DYNC2H1: variants seen among roughly 807,000 people sequenced by gnomAD.
The protein encoded by DYNC2H1 is dynein cytoplasmic 2 heavy chain 1.
In DYNC2H1, 410 loss-of-function variants were observed where a neutral mutation model predicts 570.0. The ratio of observed to expected loss-of-function variants is 0.72; its 90% confidence interval spans 0.66 to 0.78. The LOEUF is 0.78. Among genes scored for constraint, DYNC2H1 ranks in the 30% least tolerant of loss-of-function variants. The probability of loss-of-function intolerance (pLI) is 0.00; values close to 1 mark genes in which losing one functional copy is unlikely to be tolerated. For missense variants in DYNC2H1, 4,865 were observed against 5,046.4 expected, an observed-to-expected ratio of 0.96 and a Z score of 1.09; for synonymous variants, 1,688 against 1,677.6, an observed-to-expected ratio of 1.01 and a Z score of -0.15.
Position 103,253,381 on chromosome 11 carries a change from C to A in DYNC2H1, c.10139C>A (p.Pro3380Gln), listed in dbSNP as rs868586256. The change falls in exon 66 of 89, where the codon CCA becomes CAA. Residue 3380 changes from proline to glutamine, a missense_variant. Around this residue, in one of 5 missense-constraint regions of DYNC2H1, gnomAD observed 2,401 missense variants for 2,454.6 expected, o/e 0.98. Transcript: ENST00000375735. The part of the protein sequence containing the change: ...LSTRNPNPFI[P>Q]PDAASIVTEV... Reference sequence around the variant, plus strand: ...ACAAGAAACCCAAATCCTTTTATTCCACCGGATGCAGCTTCCATTGTTACT... The same window carrying A: ...ACAAGAAACCCAAATCCTTTTATTCAACCGGATGCAGCTTCCATTGTTACT... 1 of 1,613,158 alleles carries A rather than the reference C, an allele frequency of 6.2e-7. No homozygotes were observed. Among genetic ancestry groups the A allele is most frequent in the African/African-American group, 1.3e-5 (1 of 74,934 alleles).
At position 103,343,594 on chromosome 11, in the gene DYNC2H1, G is replaced by T. The variant is rs921040046; in HGVS notation, c.12040-14649G>T. On this transcript the variant is annotated intron_variant, in intron 82 of 88. Coordinates refer to ENST00000375735, the MANE Select transcript of DYNC2H1 (RefSeq NM_001377.3). ...TGAAGCTAGGATGTGGGGAGCCTCA[G>T]AAATTATATCCTTCCTATTCATATG... Among the ~76,000 whole-genome samples the T allele has an allele frequency of 2.0e-5, 3 of 152,160 alleles. No homozygotes were observed. In the South Asian group the frequency reaches 6.2e-4, roughly 32 times the overall value.
Position 103,244,854 on chromosome 11 carries a change from A to C in DYNC2H1, c.9919-397A>C, listed in dbSNP as rs1387947337. 6.6e-6 allele frequency among the ~76,000 whole-genome samples: 1 copy of C among 150,846 alleles called. No individual in the cohort carries two copies. The highest frequency in any genetic ancestry group is 1.5e-5 in the Non-Finnish European group (1 of 67,634). ...TATAGTTACTTTTATATATATGTACACACACACATATATATATACACACAC... is the reference window on the plus strand; with the variant it reads ...TATAGTTACTTTTATATATATGTACCCACACACATATATATATACACACAC... On this transcript the variant is annotated intron_variant, in intron 64 of 88. Coordinates refer to ENST00000375735, the MANE Select transcript of DYNC2H1 (RefSeq NM_001377.3). The surrounding 1 kb of genome is among the most constrained non-coding windows in gnomAD (Gnocchi z 4.3).
At chr11:103,456,144 T>C in intron 86 of DYNC2H1, 131 bp from the exon 87 acceptor site, 1 of 653,800 alleles carries the variant, frequency 1.5e-6, no homozygotes, top group Non-Finnish European at 2.4e-6. Flanking sequence ...TTATGCATAG[T>C]TTAATGGTAT....
intron 85 of DYNC2H1, among the ~76,000 whole-genome samples, chr11:103,451,514 G>A (rs1042105652): frequency 3.3e-5 from 5 of 151,940 alleles, no homozygotes; most frequent in Admixed American, 3.3e-4. Flanking sequence ...TGTATTTTTA[G>A]TAGAGACGGG....
At chr11:103,282,258 C>G in intron 72 of DYNC2H1, 29 bp downstream of exon 72, 1 of 1,598,572 alleles carries the variant, frequency 6.3e-7, no homozygotes, top group South Asian at 1.1e-5. Context: ...ATCTATTTTG[C>G]TCTTAAAGAA....
chr11:103,197,855 G>A, intron 47 of DYNC2H1, 78 bp from the exon 48 acceptor site: 6 of 1,439,042 alleles, frequency 4.2e-6, no homozygotes, highest in South Asian at 2.7e-5. Context: ...ACTTAAAAAT[G>A]TTTTAGTAGG....
At chr11:103,238,275 C>G (rs1050804909) in intron 63 of DYNC2H1, among the ~76,000 whole-genome samples, 1 of 152,098 alleles carries the variant, frequency 6.6e-6, no homozygotes, top group African/African-American at 2.4e-5. Flanking sequence ...TCCTCATTAA[C>G]TATGCTAAAG....
At chr11:103,236,357 A>C in intron 62 of DYNC2H1, 73 bp from the exon 63 acceptor site, 4 of 949,316 alleles carry the variant, frequency 4.2e-6, no homozygotes, top group Non-Finnish European at 6.8e-6. Flanking sequence ...TTTCGGAATA[A>C]ATAGCTTTAT....
intron 84 of DYNC2H1, among the ~76,000 whole-genome samples, chr11:103,410,422 T>A (rs1285697502): frequency 1.3e-5 from 2 of 152,114 alleles, no homozygotes; most frequent in Admixed American, 1.3e-4. Flanking sequence ...CTCTATAACC[T>A]TTTTAGGGTT....
chr11:103,258,122 C>T (rs895816471), intron 69 of DYNC2H1, among the ~76,000 whole-genome samples: 1 of 152,104 alleles, frequency 6.6e-6, no homozygotes, highest in African/African-American at 2.4e-5. Flanking sequence ...TTGTTTAAGG[C>T]AGTAACTTTC....
At chr11:103,291,863 T>C (rs1866614009) in intron 75 of DYNC2H1, among the ~76,000 whole-genome samples, 1 of 151,822 alleles carries the variant, frequency 6.6e-6, no homozygotes, top group Non-Finnish European at 1.5e-5. Flanking sequence ...CTGATATAAT[T>C]ATAGCTACTT....
At chr11:103,272,355 T>C (rs1432537171) in intron 70 of DYNC2H1, among the ~76,000 whole-genome samples, 1 of 151,826 alleles carries the variant, frequency 6.6e-6, no homozygotes, top group South Asian at 2.1e-4. Context: ...TTCTCACTCA[T>C]AGGTGGGAAT....
Position 103,179,154 on chromosome 11 carries a change from G to A in DYNC2H1, c.6268G>A (p.Val2090Ile). ...AGAAAGGATTCAGTTTGGCCCAAAT[G>A]TTAACTTTGTATTTGAAACTCATGA... ...SGERIQFGPN[V>I]NFVFETHDLS... Residue 2090 changes from valine (V) to isoleucine (I), a missense_variant, in exon 39 of 89, where the codon GTT becomes ATT. By Grantham distance (29) the Val-to-Ile change is conservative (BLOSUM62 3). Transcript: ENST00000375735. 2 of 1,612,980 alleles carry A rather than the reference G, an allele frequency of 1.2e-6. No homozygotes were observed. The highest frequency in any genetic ancestry group is 1.7e-6 in the Non-Finnish European group (2 of 1,179,244).
At position 103,186,185 on chromosome 11, in the gene DYNC2H1, T is replaced by A; in HGVS notation, c.6634-57T>A. Reference sequence around the variant, plus strand: ...TTGGGATATTTACTTGGAAGAATTTTAAAATGTCACACACTCTGGAGTATG... The same window carrying A: ...TTGGGATATTTACTTGGAAGAATTTAAAAATGTCACACACTCTGGAGTATG... On this transcript the variant is annotated intron_variant, in intron 41 of 88. Transcript: ENST00000375735. The surrounding 1 kb of genome is among the most constrained non-coding windows in gnomAD (Gnocchi z 4.5). The A allele has an allele frequency of 6.7e-7, 1 of 1,497,830 alleles. No individual in the cohort carries two copies. 92.8% of individuals were successfully genotyped at this position (1,497,830 alleles called of 1,614,324 possible). A position where few individuals can be genotyped will look rare whatever the true frequency, so the allele number is the denominator to read the frequency against.
Position 103,228,453 on chromosome 11 carries a change from T to G in DYNC2H1, c.9354-2807T>G, listed in dbSNP as rs1210066383. On this transcript the variant is annotated intron_variant, in intron 59 of 88. Coordinates refer to ENST00000375735, the MANE Select transcript of DYNC2H1 (RefSeq NM_001377.3). The surrounding 1 kb of genome is among the most constrained non-coding windows in gnomAD (Gnocchi z 6.1). ...AGATCTGAACTGTAGTGATTGTTTT[T>G]GCGCTTCTGGGTCTAGCTACCCAGC... Among the ~76,000 whole-genome samples the G allele has an allele frequency of 6.6e-6, 1 of 152,184 alleles. No homozygotes were observed. Among genetic ancestry groups the G allele is most frequent in the Non-Finnish European group, 1.5e-5 (1 of 68,028 alleles).
At position 103,170,870 on chromosome 11, in the gene DYNC2H1, T is replaced by C. The variant is rs1458613489; in HGVS notation, c.5152-16T>C. ...ATTATTTTTTAATGACTATAATTTT[T>C]ATTGTTGTTTTTAAGGGCATCGATG... On this transcript the variant is annotated splice_polypyrimidine_tract_variant and intron_variant, in intron 33 of 88. Transcript: ENST00000375735. This position sits in a 1 kb window ranked among gnomAD's most constrained non-coding sequence, Gnocchi z 4.8. The C allele has an allele frequency of 6.9e-6, 10 of 1,448,514 alleles. No homozygotes were observed. The East Asian group carries it at 2.1e-4, about 31-fold the overall frequency. 89.7% of individuals were successfully genotyped at this position (1,448,514 alleles called of 1,614,324 possible).
In DYNC2H1 at chr11:103,168,747, C is replaced by A; in HGVS notation, c.4763-8C>A. The A allele has an allele frequency of 6.2e-7, 1 of 1,609,866 alleles. No individual in the cohort carries two copies. Among genetic ancestry groups the A allele is most frequent in the Non-Finnish European group, 8.5e-7 (1 of 1,178,424 alleles). On this transcript the variant is annotated splice_region_variant and splice_polypyrimidine_tract_variant and intron_variant, in intron 31 of 88. Transcript: ENST00000375735. ...TCTCCAATTGTCAATATTTTTATTT[C>A]TGCCTAGAATCGGGCATCCTGGAGC...
chr11:103,156,473 C>T lies in DYNC2H1; in HGVS notation c.3830C>T (p.Thr1277Ile), dbSNP rs541538109. Reference sequence around the variant, plus strand: ...CTTTGGGGAGTTGGAGCAGTGTTTACATTAATTGATTATGAAGACAGCCAA... The same window carrying T: ...CTTTGGGGAGTTGGAGCAGTGTTTATATTAATTGATTATGAAGACAGCCAA... The part of the protein sequence containing the change: ...LDLWGVGAVF[T>I]LIDYEDSQSR... The change falls in exon 26 of 89, where the codon ACA (threonine) becomes ATA (isoleucine). Residue 1277 changes from threonine (T) to isoleucine (I), a missense_variant. By Grantham distance (89) the Thr-to-Ile change is moderately conservative. Transcript: ENST00000375735. 6.2e-7 allele frequency: 1 copy of T among 1,613,668 alleles called. No individual in the cohort carries two copies.
chr11:103,311,110 AT>A (rs1352305194), intron 78 of DYNC2H1, among the ~76,000 whole-genome samples: 1 of 152,134 alleles, frequency 6.6e-6, no homozygotes, highest in Non-Finnish European at 1.5e-5. Context: ...CCCTGAATTT[AT>A]TATTTTTATG....
Sources: allele counts gnomAD v4.1 joint callset (sites outside exome capture counted in the v4.1 genomes callset), GRCh38; gene constraint gnomAD v4.1.1; regional missense constraint gnomAD v4.1.1; non-coding constraint Gnocchi (gnomAD v3.1); transcripts MANE v1.5; gene names NCBI Gene and HGNC (gene_info 2026-07-23, HGNC 2026-07-21).